ASPM: variants seen among roughly 807,000 people sequenced by gnomAD.
The protein encoded by ASPM is abnormal spindle-like microcephaly-associated protein.
ASPM carries 256 observed loss-of-function variants against 366.4 expected under a neutral mutation model. The ratio of observed to expected loss-of-function variants is 0.70; its 90% confidence interval spans 0.63 to 0.77. The LOEUF is 0.77. Among genes scored for constraint, ASPM ranks in the 30% least tolerant of loss-of-function variants. The pLI, the probability that ASPM is intolerant of heterozygous loss-of-function variation, is 0.00. For synonymous variants in ASPM, 1,414 were observed against 1,342.9 expected (o/e 1.05, Z -1.16); for missense variants, 4,146 against 4,090.4 (o/e 1.01, Z -0.37).
intron 26 of ASPM, among the ~76,000 whole-genome samples, chr1:197,087,173 C>T (rs1461951717): frequency 6.6e-6 from 1 of 151,920 alleles, no homozygotes; most frequent in East Asian, 1.9e-4. Flanking sequence ...CTCCCGGGTT[C>T]ACGCCATTCT....
At chr1:197,142,000 C>A (rs1252502897) in intron 3 of ASPM, among the ~76,000 whole-genome samples, 1 of 152,220 alleles carries the variant, frequency 6.6e-6, no homozygotes, top group Non-Finnish European at 1.5e-5. Flanking sequence ...TGAGTGTCGA[C>A]CTTTCAGTGG....
Position 197,143,333 on chromosome 1 carries a change from T to C in ASPM, c.919A>G (p.Asn307Asp). The C allele has an allele frequency of 6.2e-7, 1 of 1,613,996 alleles. No individual in the cohort carries two copies. Among genetic ancestry groups the C allele is most frequent in the Non-Finnish European group, 8.5e-7 (1 of 1,179,844 alleles). ...SLTPNCSSTL[N>D]ITQSQIHFLS... ...AAATGTATTTGGCTTTGTGTAATGT[T>C]CAAAGTTGAAGAACAGTTGGGGGTA... is the stretch of plus-strand genomic sequence containing the variant. The change falls in exon 3 of 28, where the codon AAC (asparagine) becomes GAC (aspartate). Residue 307 changes from asparagine (N) to aspartate (D), a missense_variant. Coordinates refer to ENST00000367409, the MANE Select transcript of ASPM (RefSeq NM_018136.5).
At chr1:197,085,027 A>G (rs1656544171) in intron 27 of ASPM, among the ~76,000 whole-genome samples, 1 of 152,156 alleles carries the variant, frequency 6.6e-6, no homozygotes, top group Admixed American at 6.6e-5. Context: ...CATACCCAAC[A>G]TCCACCAGAA....
At chr1:197,094,988 TAC>T (rs1363069053) in intron 19 of ASPM, among the ~76,000 whole-genome samples, 1 of 151,786 alleles carries the variant, frequency 6.6e-6, no homozygotes, top group African/African-American at 2.4e-5. Context: ...TGTAAATATT[TAC>T]AGAGTACATG....
At chr1:197,129,695 C>T (rs2125107731) in intron 8 of ASPM, among the ~76,000 whole-genome samples, 1 of 152,150 alleles carries the variant, frequency 6.6e-6, no homozygotes, top group Non-Finnish European at 1.5e-5. Flanking sequence ...GACTTACAAC[C>T]TACTGGGGGG....
chr1:197,104,798 T>C lies in ASPM; in HGVS notation c.4453A>G (p.Ile1485Val). ...YRMHKELRKY[I>V]YIRSCVVIIQ... is the part of the protein sequence containing the mutation. ...ATAACAACACAAGATCTAATATAAATATATTTCCGTAATTCTTTATGCATT... is the reference window on the plus strand; with the variant it reads ...ATAACAACACAAGATCTAATATAAACATATTTCCGTAATTCTTTATGCATT... Residue 1485 changes from isoleucine (I) to valine (V), a missense_variant, in exon 18 of 28, where the codon ATT becomes GTT. Physicochemically the swap from Ile to Val is conservative, Grantham distance 29. This residue lies in a region of ASPM where 3,624 missense variants were observed against 3,591.7 expected (regional missense o/e 1.01). Coordinates refer to ENST00000367409, the MANE Select transcript of ASPM (RefSeq NM_018136.5). 6 of 1,583,216 alleles carry C rather than the reference T, an allele frequency of 3.8e-6. No homozygotes were observed. The highest frequency in any genetic ancestry group is 5.1e-6 in the Non-Finnish European group (6 of 1,168,190).
At chr1:197,145,844 GAATATATA>G (rs939692410) in intron 1 of ASPM, among the ~76,000 whole-genome samples, 1 of 30,148 alleles carries the variant, frequency 3.3e-5, no homozygotes, top group Non-Finnish European at 8.6e-5. Flanking sequence ...TTCAATTAGA[GAATATATA>G]TATATATATA....
chr1:197,104,418 T>C lies in ASPM; in HGVS notation c.4833A>G (p.Ile1611Met), dbSNP rs1657332865. 6.2e-7 allele frequency: 1 copy of C among 1,613,070 alleles called. No homozygotes were observed. The highest frequency in any genetic ancestry group is 8.5e-7 in the Non-Finnish European group (1 of 1,179,420). The change falls in exon 18 of 28, where the codon ATA (isoleucine) becomes ATG (methionine). Residue 1611 changes from isoleucine to methionine, a missense_variant. Transcript: ENST00000367409. Reference sequence around the variant, plus strand: ...TATAAGCTCGGAAATGAGTCTGAATTATAACAGCTGCTTTCTTCATCTTCT... The same window carrying C: ...TATAAGCTCGGAAATGAGTCTGAATCATAACAGCTGCTTTCTTCATCTTCT... ...KYKKMKKAAV[I>M]IQTHFRAYIF...
Position 197,104,959 on chromosome 1 carries a change from A to G in ASPM, c.4292T>C (p.Phe1431Ser). 1 of 1,612,136 alleles carries G rather than the reference A, an allele frequency of 6.2e-7. No individual in the cohort carries two copies. Among genetic ancestry groups the G allele is most frequent in the Non-Finnish European group, 8.5e-7 (1 of 1,179,080 alleles). Reference protein sequence around the residue: ...KSSTLIIQSMFRKWKQRKMQS... With the variant: ...KSSTLIIQSMSRKWKQRKMQS... ...CATTTTACGTTGCTTCCATTTTCTG[A>G]ACATAGATTGGATTATAAGAGTTGA... The change falls in exon 18 of 28, where the codon TTC becomes TCC. Residue 1431 changes from phenylalanine (F) to serine (S), a missense_variant. Coordinates refer to ENST00000367409, the MANE Select transcript of ASPM (RefSeq NM_018136.5).
At chr1:197,107,793 A>C (rs941101307) in intron 17 of ASPM, among the ~76,000 whole-genome samples, 1 of 152,210 alleles carries the variant, frequency 6.6e-6, no homozygotes, top group South Asian at 2.1e-4. Flanking sequence ...GGTATGGCAC[A>C]ATAGCAGAAT....
At chr1:197,126,236 T>C (rs1178519053) in intron 10 of ASPM, among the ~76,000 whole-genome samples, 3 of 150,670 alleles carry the variant, frequency 2.0e-5, no homozygotes, top group African/African-American at 7.3e-5. Context: ...AGGTCAGGAG[T>C]TCAAGACCAG....
At chr1:197,141,382 G>A (rs1371514646) in intron 3 of ASPM, among the ~76,000 whole-genome samples, 1 of 152,060 alleles carries the variant, frequency 6.6e-6, no homozygotes, top group African/African-American at 2.4e-5. Context: ...AGCCTAAAAT[G>A]TTTACTATCT....
At chr1:197,131,949 A>G (rs1404660690) in intron 7 of ASPM, among the ~76,000 whole-genome samples, 1 of 152,226 alleles carries the variant, frequency 6.6e-6, no homozygotes, top group African/African-American at 2.4e-5. Context: ...AATTTAAATT[A>G]GAAAATGTAT....
chr1:197,088,372 G>C lies in ASPM; in HGVS notation c.10045C>G (p.Leu3349Val), dbSNP rs1378062126. The C allele has an allele frequency of 6.8e-6, 11 of 1,611,722 alleles. No homozygotes were observed. The highest frequency in any genetic ancestry group is 9.3e-6 in the Non-Finnish European group (11 of 1,178,426). Residue 3349 changes from leucine to valine, a missense_variant, in exon 26 of 28, where the codon CTT becomes GTT. Physicochemically the swap from Leu to Val is conservative, Grantham distance 32 (BLOSUM62 1). Around this residue, in one of 3 missense-constraint regions of ASPM, gnomAD observed 3,624 missense variants for 3,591.7 expected, o/e 1.01. Transcript: ENST00000367409. ...GGCTTTTCTCGGTATATCTGCAAAA[G>C]CTCCAATAGTATATCTATACAATTT... Reference protein sequence around the residue: ...VENCIDILLELLQIYREKPGN... With the variant: ...VENCIDILLEVLQIYREKPGN...
chr1:197,125,009 G>A (rs1210222059), intron 11 of ASPM, 37 bp downstream of exon 11: 1 of 1,609,276 alleles, frequency 6.2e-7, no homozygotes. Flanking sequence ...TCAATATTCA[G>A]TGAGGAGAAT....
chr1:197,091,444 C>T lies in ASPM; in HGVS notation c.9445-403G>A, dbSNP rs185334260. Among the ~76,000 whole-genome samples the T allele has an allele frequency of 3.1e-4, 47 of 151,422 alleles. No homozygotes were observed. In the East Asian group the frequency reaches 8.2e-3, roughly 26 times the overall value. On this transcript the variant is annotated intron_variant, in intron 22 of 27. Transcript: ENST00000367409. Reference sequence around the variant, plus strand: ...ATAAATCATAACAAAAAAGAACAGCCAATGGAAAAACGGGCAAAGTGTATG... The same window carrying T: ...ATAAATCATAACAAAAAAGAACAGCTAATGGAAAAACGGGCAAAGTGTATG...
chr1:197,122,234 A>T lies in ASPM; in HGVS notation c.3666T>A (p.Ser1222=). Residue 1222 remains serine, a synonymous_variant, in exon 15 of 28, where the codon TCT becomes TCA. Transcript: ENST00000367409. Reference sequence around the variant, plus strand: ...GTATTCCACCAAGGTCTCTAACTGCAGACCTAACCAAGTGAAAATTTTTCT... The same window carrying T: ...GTATTCCACCAAGGTCTCTAACTGCTGACCTAACCAAGTGAAAATTTTTCT... The part of the protein sequence containing the change: ...NEKKNFHLVR[S]AVRDLGGIPA... The T allele has an allele frequency of 1.2e-6, 2 of 1,612,882 alleles. No individual in the cohort carries two copies. Among genetic ancestry groups the T allele is most frequent in the Non-Finnish European group, 1.7e-6 (2 of 1,179,004 alleles).
At position 197,122,420 on chromosome 1, in the gene ASPM, G is replaced by A. The variant is rs143805893; in HGVS notation, c.3566C>T (p.Ser1189Phe). The A allele has an allele frequency of 5.4e-4, 866 of 1,613,818 alleles. No individual in the cohort carries two copies. Among genetic ancestry groups the A allele is most frequent in the Non-Finnish European group, 6.7e-4 (793 of 1,179,808 alleles). ...LNSSSESDDS[S>F]LDMSLKAFDH... Reference sequence around the variant, plus strand: ...AAATGCTTTAAGAGACATATCCAGAGAACTGTCATCAGATTCAGATGATGA... The same window carrying A: ...AAATGCTTTAAGAGACATATCCAGAAAACTGTCATCAGATTCAGATGATGA... The change falls in exon 14 of 28, where the codon TCT becomes TTT. Residue 1189 changes from serine to phenylalanine, a missense_variant. Physicochemically the swap from Ser to Phe is radical, Grantham distance 155 (BLOSUM62 -2). Around this residue, in one of 3 missense-constraint regions of ASPM, gnomAD observed 3,624 missense variants for 3,591.7 expected, o/e 1.01. Coordinates refer to ENST00000367409, the MANE Select transcript of ASPM (RefSeq NM_018136.5).
At chr1:197,113,040 T>TA (rs1046302266) in intron 17 of ASPM, among the ~76,000 whole-genome samples, 16 of 152,060 alleles carry the variant, frequency 1.1e-4, no homozygotes, top group East Asian at 1.9e-4. Flanking sequence ...CATGCAGCCA[T>TA]AAAAAAAATT....
Sources: gnomAD v4.1 joint callset for allele counts (sites outside exome capture counted in the v4.1 genomes callset) on GRCh38, gnomAD v4.1.1 for gene constraint, gnomAD v4.1.1 regional missense constraint, MANE v1.5 for transcripts, NCBI Gene and HGNC (gene_info 2026-07-23, HGNC 2026-07-21) for gene names.